Variants in KIAA1217 observed in about 807,000 individuals in gnomAD.
The protein encoded by KIAA1217 is KIAA1217.
In KIAA1217, 88 loss-of-function variants were observed where a neutral mutation model predicts 163.9. That is an observed-to-expected ratio of 0.54 (90% CI 0.45 to 0.64). The LOEUF (loss-of-function observed/expected upper bound fraction) is 0.64. Ranked by LOEUF, KIAA1217 falls within the 30% of genes least tolerant of loss-of-function variation. The pLI is 0.00. For synonymous variants in KIAA1217, 903 were observed against 923.1 expected, an observed-to-expected ratio of 0.98 and a Z score of 0.39; for missense variants, 2,372 against 2,475.0, an observed-to-expected ratio of 0.96 and a Z score of 0.88.
chr10:24,010,735 A>G (rs1847205569), intron 2 of KIAA1217, among the ~76,000 whole-genome samples: 1 of 151,840 alleles, frequency 6.6e-6, no homozygotes, highest in Non-Finnish European at 1.5e-5. Context: ...TGGAGTTAGA[A>G]TAAATACACT....
At chr10:23,818,345 T>TAAAAA (rs71472817) in intron 1 of KIAA1217, among the ~76,000 whole-genome samples, 26 of 134,802 alleles carry the variant, frequency 1.9e-4, no homozygotes, top group African/African-American at 7.1e-4. Context: ...TATATATATA[T>TAAAAA]AAAAAAATAT....
chr10:24,351,516 G>C (rs752168078), intron 2 of KIAA1217, among the ~76,000 whole-genome samples: 13 of 152,126 alleles, frequency 8.5e-5, no homozygotes, highest in Non-Finnish European at 1.6e-4. Context: ...GCAATGGAGG[G>C]GTCAGAGTCT....
In KIAA1217 at chr10:24,473,280, C is replaced by T; in HGVS notation, c.899C>T (p.Pro300Leu). 6.6e-7 allele frequency: 1 copy of T among 1,526,230 alleles called. No individual in the cohort carries two copies. Among genetic ancestry groups the T allele is most frequent in the Non-Finnish European group, 8.8e-7 (1 of 1,138,258 alleles). The allele number at this position is 1,526,230 out of a possible 1,614,324, so 94.5% of individuals were successfully genotyped here. A position where few individuals can be genotyped will look rare whatever the true frequency, so the allele number is the denominator to read the frequency against. The change falls in exon 6 of 21, where the codon CCC becomes CTC. Residue 300 changes from proline (P) to leucine (L), a missense_variant. By Grantham distance (98) the Pro-to-Leu change is moderately conservative. Coordinates refer to ENST00000376454, the MANE Select transcript of KIAA1217 (RefSeq NM_019590.5). ...GGAGATGGCCCTGGGGCCCCTCGCC[C>T]CGGATCTACTGCTCATCCACCCCAT... is the stretch of plus-strand genomic sequence containing the variant. ...ARGDGPGAPRPGSTAHPPHAI... is the reference protein window; with the variant it reads ...ARGDGPGAPRLGSTAHPPHAI...
At chr10:24,041,975 C>A (rs1848653454) in intron 2 of KIAA1217, among the ~76,000 whole-genome samples, 1 of 151,468 alleles carries the variant, frequency 6.6e-6, no homozygotes, top group Non-Finnish European at 1.5e-5. Context: ...TTTCATATTC[C>A]CTATTGCAGC....
intron 20 of KIAA1217, 37 bp downstream of exon 20, chr10:24,545,140 A>T: frequency 1.9e-6 from 3 of 1,612,052 alleles, no homozygotes; most frequent in Non-Finnish European, 2.5e-6. Flanking sequence ...GATGGACGCT[A>T]TTTCAGTTAA....
rs1392742371 is a variant in KIAA1217 at position 24,520,683 on chromosome 10, C to CAA, written c.2308+431_2308+432insAA. Among the ~76,000 whole-genome samples the CAA allele has an allele frequency of 1.6e-3, 162 of 98,850 alleles. 2 individuals are homozygous for CAA. The highest frequency in any genetic ancestry group is 6.8e-3 in the African/African-American group (153 of 22,364). The allele number at this position is 98,850 out of a possible 152,430, so 64.8% of individuals were successfully genotyped here. Reference sequence around the variant, plus strand: ...ATATATATATATATATATACACACACACACAAAAAAAAATTAGCCAGGTGT... The same window carrying CAA: ...ATATATATATATATATATACACACACAAACACAAAAAAAAATTAGCCAGGTGT... On this transcript the variant is annotated intron_variant, in intron 11 of 20. Transcript: ENST00000376454.
chr10:23,919,387 C>T (rs1842759776), intron 1 of KIAA1217, among the ~76,000 whole-genome samples: 1 of 151,910 alleles, frequency 6.6e-6, no homozygotes, highest in African/African-American at 2.4e-5. Context: ...AGGTGGATCA[C>T]CTGAGGTCAG....
chr10:24,331,856 A>G (rs542914758), intron 2 of KIAA1217, among the ~76,000 whole-genome samples: 7 of 152,126 alleles, frequency 4.6e-5, no homozygotes, highest in Admixed American at 1.3e-4. Flanking sequence ...CTGGAGTGCA[A>G]TGGCGCGATC....
chr10:24,272,863 A>C (rs2076905494), intron 2 of KIAA1217, among the ~76,000 whole-genome samples: 1 of 152,196 alleles, frequency 6.6e-6, no homozygotes, highest in Admixed American at 6.5e-5. Flanking sequence ...GTTGGAATAA[A>C]GTCTTCTTTG....
At chr10:24,491,617 C>G (rs776310859) in intron 6 of KIAA1217, among the ~76,000 whole-genome samples, 1 of 152,038 alleles carries the variant, frequency 6.6e-6, no homozygotes, top group Non-Finnish European at 1.5e-5. Context: ...CTGATGCTCT[C>G]CTTTGTTGGA....
At chr10:23,806,574 A>T (rs868140509) in intron 1 of KIAA1217, among the ~76,000 whole-genome samples, 1 of 151,926 alleles carries the variant, frequency 6.6e-6, no homozygotes, top group Non-Finnish European at 1.5e-5. Flanking sequence ...ATTCTCAAAC[A>T]TCTGGGTGGT....
In KIAA1217 at chr10:23,959,929, T is replaced by A. The variant is rs566949746; in HGVS notation, c.-320-47296T>A. Among the ~76,000 whole-genome samples the A allele has an allele frequency of 4.0e-5, 6 of 149,486 alleles. No homozygotes were observed. The East Asian group carries it at 1.2e-3, about 29-fold the overall frequency. On this transcript the variant is annotated intron_variant, in intron 1 of 18. Transcript: ENST00000376462. ...TAGACTTCTTTTTTTTTTTTTTTTT[T>A]TTTTGAGACAGAGTCTCCCTCTGTT...
At chr10:24,173,321 G>A (rs562536064) in intron 2 of KIAA1217, among the ~76,000 whole-genome samples, 2 of 152,018 alleles carry the variant, frequency 1.3e-5, no homozygotes, top group Non-Finnish European at 1.5e-5. Context: ...CTGATTCTAC[G>A]TGATGGTGAG....
At chr10:23,723,086 G>A (rs889488725) in intron 1 of KIAA1217, among the ~76,000 whole-genome samples, 8 of 152,156 alleles carry the variant, frequency 5.3e-5, no homozygotes, top group Non-Finnish European at 2.9e-5. Flanking sequence ...ACCAGTCACT[G>A]GCCAGCAGAA....
chr10:24,314,357 G>A (rs936101595), intron 2 of KIAA1217, among the ~76,000 whole-genome samples: 1 of 152,286 alleles, frequency 6.6e-6, no homozygotes, highest in African/African-American at 2.4e-5. Flanking sequence ...GGGCAGAGAA[G>A]GACCATTTCT....
chr10:23,839,462 G>C (rs527314784), intron 1 of KIAA1217, among the ~76,000 whole-genome samples: 2 of 152,098 alleles, frequency 1.3e-5, no homozygotes, highest in Non-Finnish European at 2.9e-5. Flanking sequence ...CAGGGCAAGC[G>C]AAATCTCCTT....
chr10:24,491,415 G>C (rs12775469), intron 6 of KIAA1217, among the ~76,000 whole-genome samples: 1 of 150,082 alleles, frequency 6.7e-6, no homozygotes, highest in Non-Finnish European at 1.5e-5. Context: ...TCAGCCTCCC[G>C]AGTAGCTGGG....
At chr10:23,778,780 T>C (rs1240097939) in intron 1 of KIAA1217, among the ~76,000 whole-genome samples, 4 of 152,216 alleles carry the variant, frequency 2.6e-5, no homozygotes, top group African/African-American at 4.8e-5. Context: ...GGCTTCTGGA[T>C]TGTTCATTGG....
intron 2 of KIAA1217, among the ~76,000 whole-genome samples, chr10:24,332,881 CG>C (rs1234330804): frequency 5.3e-5 from 8 of 151,786 alleles, no homozygotes; most frequent in African/African-American, 1.9e-4. Flanking sequence ...ATGGCCAGGT[CG>C]GTGGCAGGGG....
Sources: gnomAD v4.1 joint callset for allele counts (sites outside exome capture counted in the v4.1 genomes callset) on GRCh38, gnomAD v4.1.1 for gene constraint, MANE v1.5 for transcripts, NCBI Gene and HGNC (gene_info 2026-07-23, HGNC 2026-07-21) for gene names.